The following PDE10A variants were observed in gnomAD, a reference collection of about 807,000 sequenced individuals.
The protein encoded by PDE10A is phosphodiesterase 10A, also known as cAMP and cAMP-inhibited cGMP 3',5'-cyclic phosphodiesterase 10A.
In PDE10A, 39 loss-of-function variants were observed where a neutral mutation model predicts 97.7. The ratio of observed to expected loss-of-function variants is 0.40; its 90% CI spans 0.31 to 0.52. The LOEUF (loss-of-function observed/expected upper bound fraction) is 0.52. PDE10A is among the 20% of genes least tolerant of loss of function. The pLI is 0.56. For synonymous variants in PDE10A, 371 were observed against 376.8 expected, an observed-to-expected ratio of 0.98 and a Z score of 0.18; for missense variants, 731 against 1,047.8, an observed-to-expected ratio of 0.70 and a Z score of 4.17.
chr6:165,748,060 G>A (rs1041047872), intron 1 of PDE10A, among the ~76,000 whole-genome samples: 22 of 152,066 alleles, frequency 1.4e-4, no homozygotes, highest in Non-Finnish European at 2.8e-4. Context: ...AGTCCTACAC[G>A]ATCCACCACC....
intron 1 of PDE10A, among the ~76,000 whole-genome samples, chr6:165,722,923 T>C (rs1441634805): frequency 6.6e-6 from 1 of 151,916 alleles, no homozygotes. Context: ...TGTGTATATA[T>C]ATTTTAAGTT....
chr6:165,699,149 G>C lies in PDE10A; in HGVS notation c.-614-155581C>G, dbSNP rs568175374. On this transcript the variant is annotated intron_variant, in intron 1 of 19. Transcript: ENST00000366882. Reference sequence around the variant, plus strand: ...AGATTTAAGGTAAAAGGATGAAAAAGATATATCATAGTAAATATTAACCAC... The same window carrying C: ...AGATTTAAGGTAAAAGGATGAAAAACATATATCATAGTAAATATTAACCAC... Among the ~76,000 whole-genome samples, 62 of 152,208 alleles carry C rather than the reference G, an allele frequency of 4.1e-4. No homozygotes were observed. The South Asian group carries it at 9.5e-3, about 23-fold the overall frequency.
chr6:165,646,931 A>C (rs1433585368), intron 1 of PDE10A, among the ~76,000 whole-genome samples: 1 of 152,206 alleles, frequency 6.6e-6, no homozygotes, highest in African/African-American at 2.4e-5. Context: ...CAGAATTTTT[A>C]ATTAAAATTA....
At chr6:165,902,212 T>C (rs1368039189) in intron 1 of PDE10A, among the ~76,000 whole-genome samples, 1 of 152,244 alleles carries the variant, frequency 6.6e-6, no homozygotes. Context: ...CCACCCCATA[T>C]TGACTGACTG....
intron 18 of PDE10A, among the ~76,000 whole-genome samples, chr6:165,378,848 T>C (rs540128021): frequency 2.0e-4 from 30 of 152,328 alleles, no homozygotes; most frequent in African/African-American, 6.5e-4. Context: ...CATTTGCTCT[T>C]GAGTTTCTGA....
At chr6:165,777,971 A>G (rs538854173) in intron 1 of PDE10A, among the ~76,000 whole-genome samples, 3 of 152,318 alleles carry the variant, frequency 2.0e-5, no homozygotes, top group African/African-American at 7.2e-5. Flanking sequence ...ATATGTGTCT[A>G]TCTCAAGAAT....
At chr6:165,928,406 T>A (rs2128490089) in intron 1 of PDE10A, among the ~76,000 whole-genome samples, 1 of 152,326 alleles carries the variant, frequency 6.6e-6, no homozygotes, top group Admixed American at 6.5e-5. Flanking sequence ...CACAACCTGC[T>A]GGACCCACTC....
At chr6:165,824,505 C>T (rs897557692) in intron 1 of PDE10A, among the ~76,000 whole-genome samples, 1 of 152,154 alleles carries the variant, frequency 6.6e-6, no homozygotes, top group African/African-American at 2.4e-5. Flanking sequence ...CTTCTTTGTC[C>T]TGATCTTCTA....
intron 1 of PDE10A, among the ~76,000 whole-genome samples, chr6:165,686,483 C>T (rs1791123418): frequency 6.6e-6 from 1 of 152,152 alleles, no homozygotes. Flanking sequence ...GGAGCTGTGG[C>T]CGCACTCCCA....
intron 1 of PDE10A, among the ~76,000 whole-genome samples, chr6:165,919,399 C>T (rs2128488024): frequency 6.6e-6 from 1 of 152,318 alleles, no homozygotes; most frequent in South Asian, 2.1e-4. Flanking sequence ...AGGGGATAAC[C>T]TTGTGGCTTA....
intron 1 of PDE10A, among the ~76,000 whole-genome samples, chr6:165,689,305 T>A (rs2128441213): frequency 6.6e-6 from 1 of 152,344 alleles, no homozygotes; most frequent in South Asian, 2.1e-4. Flanking sequence ...CCAACATTTT[T>A]GTGTGAGTGC....
intron 1 of PDE10A, among the ~76,000 whole-genome samples, chr6:165,587,451 G>T (rs906040244): frequency 1.3e-4 from 20 of 152,258 alleles, no homozygotes; most frequent in African/African-American, 4.6e-4. Context: ...ATGGGGGTAA[G>T]TTATTTTTGC....
At chr6:165,400,495 A>G (rs520349) in intron 13 of PDE10A, among the ~76,000 whole-genome samples, 74,118 of 152,036 alleles carry the variant, frequency 0.49, 18,509 homozygotes, top group Middle Eastern at 0.52. Context: ...CTAAAAATCA[A>G]TAAGAAAACA....
At position 165,388,451 on chromosome 6, in the gene PDE10A, G is replaced by A. The variant is rs773241150; in HGVS notation, c.2457C>T (p.Arg819=). ...NNHTLFTDLE[R]KGLLIACLCH... is the part of the protein sequence containing the mutation. ...ACAGACACGCAATCAGCAGTCCTTT[G>A]CGCTTTAAAAAATAATATGATGCAG... is the stretch of plus-strand genomic sequence containing the variant. The change falls in exon 17 of 22, where the codon CGC becomes CGT. Residue 819 remains arginine (R), a splice_region_variant and synonymous_variant. Coordinates refer to ENST00000539869, the MANE Select transcript of PDE10A (RefSeq NM_001385079.1). This position sits in a 1 kb window ranked among gnomAD's most constrained non-coding sequence, Gnocchi z 4.0. 7 of 1,613,810 alleles carry A rather than the reference G, an allele frequency of 4.3e-6. No homozygotes were observed. The African/African-American group carries it at 9.3e-5, about 22-fold the overall frequency.
chr6:165,836,393 GTCTT>G (rs1219223004), intron 1 of PDE10A, among the ~76,000 whole-genome samples: 6 of 152,358 alleles, frequency 3.9e-5, no homozygotes, highest in Non-Finnish European at 8.8e-5. Flanking sequence ...CCTCTTAGGG[GTCTT>G]TCTGAGCTGC....
At chr6:165,353,830 G>A (rs972583180) in intron 18 of PDE10A, among the ~76,000 whole-genome samples, 18 of 152,086 alleles carry the variant, frequency 1.2e-4, no homozygotes, top group African/African-American at 4.3e-4. Context: ...CCCATAGAAG[G>A]TACACATCAT....
upstream of PDE10A, among the ~76,000 whole-genome samples, chr6:165,666,718 C>T (rs574099378): frequency 2.0e-5 from 3 of 147,006 alleles, no homozygotes; most frequent in African/African-American, 7.5e-5. Context: ...TTCAATTTTT[C>T]TCATCCCCAA....
Position 165,661,988 on chromosome 6 carries a change from G to T in PDE10A, c.824C>A (p.Ala275Glu). 1 of 1,359,770 alleles carries T rather than the reference G, an allele frequency of 7.4e-7. No homozygotes were observed. The highest frequency in any genetic ancestry group is 1.0e-6 in the Non-Finnish European group (1 of 978,552). 84.2% of individuals were successfully genotyped at this position (1,359,770 alleles called of 1,614,324 possible). A position where few individuals can be genotyped will look rare whatever the true frequency, so the allele number is the denominator to read the frequency against. ...SDMEDGPSNN[A>E]SCFRRLTECF... ...CTCGGTCAGCCTTCGGAAGCAGCTC[G>T]CATTATTAGAAGGTCCATCTTCCAT... The change falls in exon 1 of 22, where the codon GCG becomes GAG. Residue 275 changes from alanine to glutamate, a missense_variant. Ala to Glu is a moderately radical substitution (Grantham distance 107). Transcript: ENST00000539869. This position sits in a 1 kb window ranked among gnomAD's most constrained non-coding sequence, Gnocchi z 4.8.
chr6:165,686,706 C>T (rs911417092), intron 1 of PDE10A, among the ~76,000 whole-genome samples: 8 of 152,200 alleles, frequency 5.3e-5, no homozygotes, highest in African/African-American at 1.7e-4. Context: ...TTATAAAACC[C>T]TCAGAGAGTG....
Sources: gnomAD v4.1 joint callset for allele counts (sites outside exome capture counted in the v4.1 genomes callset) on GRCh38, gnomAD v4.1.1 for gene constraint, Gnocchi (gnomAD v3.1) non-coding constraint, MANE v1.5 for transcripts, NCBI Gene and HGNC (gene_info 2026-07-23, HGNC 2026-07-21) for gene names.